The following CTNNA3 variants were observed in gnomAD, a reference collection of about 807,000 sequenced individuals.
The protein encoded by CTNNA3 is catenin alpha-3.
CTNNA3 carries 76 observed loss-of-function variants against 95.7 expected under a neutral mutation model. The ratio of observed to expected loss-of-function variants is 0.79; its 90% CI spans 0.66 to 0.96. The LOEUF (loss-of-function observed/expected upper bound fraction) is 0.96. CTNNA3 is among the 40% of genes least tolerant of loss of function. The probability of loss-of-function intolerance (pLI) is 0.00; values close to 1 mark genes in which losing one functional copy is unlikely to be tolerated. For missense variants in CTNNA3, 1,191 were observed against 1,089.8 expected (o/e 1.09, Z -1.31); for synonymous variants, 431 against 374.4 (o/e 1.15, Z -1.74).
intron 11 of CTNNA3, among the ~76,000 whole-genome samples, chr10:66,493,884 C>G (rs2131943820): frequency 7.0e-6 from 1 of 142,648 alleles, no homozygotes; most frequent in South Asian, 2.3e-4. Flanking sequence ...GGATTACAGG[C>G]GTGAGCCACT....
intron 2 of CTNNA3, among the ~76,000 whole-genome samples, chr10:67,644,545 G>A (rs1236679863): frequency 6.6e-6 from 1 of 151,826 alleles, no homozygotes; most frequent in Non-Finnish European, 1.5e-5. Context: ...TTGTGTTGGT[G>A]GGTTATACAT....
chr10:67,637,901 G>A (rs1839379284), intron 2 of CTNNA3, among the ~76,000 whole-genome samples: 1 of 152,156 alleles, frequency 6.6e-6, no homozygotes. Context: ...ACCAGCCACT[G>A]CAAAAACATG....
intron 9 of CTNNA3, among the ~76,000 whole-genome samples, chr10:66,689,057 T>A (rs1847413585): frequency 6.6e-6 from 1 of 151,714 alleles, no homozygotes; most frequent in Non-Finnish European, 1.5e-5. Flanking sequence ...GAATCAATTA[T>A]TATTGAAATC....
At chr10:66,094,812 G>A (rs1481163996) in intron 14 of CTNNA3, among the ~76,000 whole-genome samples, 6 of 152,036 alleles carry the variant, frequency 3.9e-5, no homozygotes, top group Non-Finnish European at 8.8e-5. Context: ...TAACTTTGGT[G>A]CAATTCTTCT....
At chr10:67,350,963 A>T (rs1487901244) in intron 5 of CTNNA3, among the ~76,000 whole-genome samples, 2 of 151,178 alleles carry the variant, frequency 1.3e-5, no homozygotes, top group Non-Finnish European at 3.0e-5. Context: ...AGCTGTAAAT[A>T]ACCTGCATTC....
intron 7 of CTNNA3, among the ~76,000 whole-genome samples, chr10:66,890,320 G>C (rs1297286663): frequency 6.6e-6 from 1 of 151,726 alleles, no homozygotes; most frequent in Non-Finnish European, 1.5e-5. Flanking sequence ...AGAGAAGTAT[G>C]CAAGTGAACG....
At chr10:66,340,468 A>G (rs948202012) in intron 12 of CTNNA3, among the ~76,000 whole-genome samples, 1 of 151,830 alleles carries the variant, frequency 6.6e-6, no homozygotes. Context: ...CACTAGACAG[A>G]TAGTATAGAG....
At chr10:66,316,908 G>A (rs907170151) in intron 12 of CTNNA3, among the ~76,000 whole-genome samples, 4 of 151,792 alleles carry the variant, frequency 2.6e-5, no homozygotes, top group African/African-American at 7.3e-5. Flanking sequence ...AACTGATTAC[G>A]GCAGAATAAA....
At chr10:66,174,779 T>A (rs1161582323) in intron 13 of CTNNA3, among the ~76,000 whole-genome samples, 4 of 152,104 alleles carry the variant, frequency 2.6e-5, no homozygotes, top group African/African-American at 9.7e-5. Flanking sequence ...GGGACAAATG[T>A]ATTTATATAG....
intron 13 of CTNNA3, among the ~76,000 whole-genome samples, chr10:66,230,814 G>A (rs1283441811): frequency 6.6e-6 from 1 of 152,156 alleles, no homozygotes; most frequent in African/African-American, 2.4e-5. Context: ...TGCCTTCCCA[G>A]TGTGCTGGAT....
At chr10:66,758,709 C>A (rs1268700716) in intron 9 of CTNNA3, among the ~76,000 whole-genome samples, 2 of 152,068 alleles carry the variant, frequency 1.3e-5, no homozygotes, top group Non-Finnish European at 2.9e-5. Flanking sequence ...TTGAGGCAGG[C>A]AGATCACCTG....
chr10:66,978,541 A>ATAAAATAAAAATAAAAAAAATT (rs1437563245), intron 7 of CTNNA3, among the ~76,000 whole-genome samples: 2 of 111,196 alleles, frequency 1.8e-5, no homozygotes, highest in Non-Finnish European at 3.7e-5. Flanking sequence ...AAAAAAAAAA[A>ATAAAATAAAAATAAAAAAAATT]AAAAAAAAAA....
intron 7 of CTNNA3, among the ~76,000 whole-genome samples, chr10:67,075,386 C>G (rs566832030): frequency 1.3e-5 from 2 of 152,162 alleles, no homozygotes; most frequent in South Asian, 4.2e-4. Context: ...GAGAGAGATG[C>G]CAGTTTTACT....
chr10:66,186,306 GAGAT>G (rs1036383921), intron 13 of CTNNA3, among the ~76,000 whole-genome samples: 19 of 151,928 alleles, frequency 1.3e-4, no homozygotes, highest in African/African-American at 4.3e-4. Flanking sequence ...GTGTGTGTGA[GAGAT>G]AGAGAGAGAG....
At chr10:66,832,318 G>A (rs1043126481) in intron 7 of CTNNA3, among the ~76,000 whole-genome samples, 1 of 152,068 alleles carries the variant, frequency 6.6e-6, no homozygotes, top group African/African-American at 2.4e-5. Context: ...CTAAGATCAC[G>A]CACTGTAAAA....
At chr10:65,945,530 A>G (rs1164827130) in intron 17 of CTNNA3, among the ~76,000 whole-genome samples, 2 of 152,166 alleles carry the variant, frequency 1.3e-5, no homozygotes, top group African/African-American at 2.4e-5. Context: ...AGGGTTGTCT[A>G]TTTCAGAATA....
intron 11 of CTNNA3, among the ~76,000 whole-genome samples, chr10:66,464,835 C>G (rs4745900): frequency 2.0e-5 from 3 of 151,352 alleles, no homozygotes; most frequent in Non-Finnish European, 4.4e-5. Flanking sequence ...TTGTCTCTTA[C>G]AGGCTAATTG....
At chr10:66,181,826 C>G (rs960034166) in intron 13 of CTNNA3, among the ~76,000 whole-genome samples, 7 of 152,128 alleles carry the variant, frequency 4.6e-5, no homozygotes, top group Admixed American at 6.6e-5. Flanking sequence ...ACATACTAAT[C>G]AGTTACATTA....
intron 7 of CTNNA3, among the ~76,000 whole-genome samples, chr10:66,798,811 G>C (rs536895079): frequency 6.6e-6 from 1 of 151,440 alleles, no homozygotes; most frequent in Non-Finnish European, 1.5e-5. Context: ...CAGTCCTATT[G>C]AGATATATGA....
Sources: gnomAD v4.1 joint callset for allele counts (sites outside exome capture counted in the v4.1 genomes callset) on GRCh38, gnomAD v4.1.1 for gene constraint, MANE v1.5 for transcripts, NCBI Gene and HGNC (gene_info 2026-07-23, HGNC 2026-07-21) for gene names.